ZNF423: variants seen among roughly 807,000 people sequenced by gnomAD.
The protein encoded by ZNF423 is zinc finger protein 423.
Under a neutral mutation model 95.8 loss-of-function variants are expected in ZNF423, and 12 were observed. The observed-to-expected ratio is 0.13, with a 90% CI of 0.08 to 0.20. The LOEUF (loss-of-function observed/expected upper bound fraction) is 0.20, where lower values mean the gene tolerates loss of function less well. ZNF423 is among the 10% of genes least tolerant of loss of function. ZNF423 has a pLI of 1.00. For missense variants in ZNF423, 1,316 were observed against 1,737.1 expected, an observed-to-expected ratio of 0.76 and a Z score of 4.31; for synonymous variants, 749 against 711.9, an observed-to-expected ratio of 1.05 and a Z score of -0.83.
At chr16:49,496,012 CCTCTCCTGG>C (rs1428511335) in intron 7 of ZNF423, among the ~76,000 whole-genome samples, 2 of 152,232 alleles carry the variant, frequency 1.3e-5, no homozygotes, top group African/African-American at 2.4e-5. Flanking sequence ...CTGCTAGCTG[CCTCTCCTGG>C]CTCTCAGCTA....
At chr16:49,619,026 A>G (rs188918423) in intron 5 of ZNF423, among the ~76,000 whole-genome samples, 3 of 152,258 alleles carry the variant, frequency 2.0e-5, no homozygotes, top group Admixed American at 1.3e-4. Context: ...GTGTCCCTAC[A>G]TACTACATGG....
chr16:49,537,371 A>G (rs1036646152), intron 5 of ZNF423, among the ~76,000 whole-genome samples: 1 of 152,276 alleles, frequency 6.6e-6, no homozygotes, highest in Middle Eastern at 3.4e-3. Flanking sequence ...TCTGATGCTG[A>G]GCTAAGTGGT....
At chr16:49,575,852 C>T (rs1245625008) in intron 5 of ZNF423, among the ~76,000 whole-genome samples, 1 of 152,176 alleles carries the variant, frequency 6.6e-6, no homozygotes, top group Non-Finnish European at 1.5e-5. Context: ...TGGTGTAGGT[C>T]ACTGGCCCAC....
At position 49,638,061 on chromosome 16, in the gene ZNF423, A is replaced by G. The variant is rs768336756; in HGVS notation, c.1115T>C (p.Val372Ala). 29 of 1,613,926 alleles carry G rather than the reference A, an allele frequency of 1.8e-5. No individual in the cohort carries two copies. Among genetic ancestry groups the G allele is most frequent in the Non-Finnish European group, 2.5e-5 (29 of 1,179,988 alleles). Residue 372 changes from valine to alanine, a missense_variant, in exon 4 of 8, where the codon GTG (valine) becomes GCG (alanine). Around this residue, in one of 6 missense-constraint regions of ZNF423, gnomAD observed 399 missense variants for 478.5 expected, o/e 0.83. Coordinates refer to ENST00000563137, the MANE Select transcript of ZNF423 (RefSeq NM_001379286.1). This position sits in a 1 kb window ranked among gnomAD's most constrained non-coding sequence, Gnocchi z 5.6. Reference protein sequence around the residue: ...SVSPDPVLGSVASMSSATPDS... With the variant: ...SVSPDPVLGSAASMSSATPDS... ...GGGTGTGGCGCTGCTCATGGAGGCC[A>G]CGCTGCCCAGTACAGGGTCGGGACT...
At chr16:49,491,434 A>C (rs1966957944) in intron 7 of ZNF423, 130 bp from the exon 8 acceptor site, 4 of 1,179,664 alleles carry the variant, frequency 3.4e-6, no homozygotes, top group Non-Finnish European at 5.0e-6. Flanking sequence ...AAATGCAACA[A>C]GGAAAAAGTG....
Position 49,593,508 on chromosome 16 carries a change from G to A in ZNF423, c.3601+32662C>T, listed in dbSNP as rs149770167. Among the ~76,000 whole-genome samples, 1,269 of 142,082 alleles carry A rather than the reference G, an allele frequency of 8.9e-3. 12 individuals carry two copies. The highest frequency in any genetic ancestry group is 0.052 in the East Asian group (239 of 4,572). The allele number at this position is 142,082 out of a possible 152,430, so 93.2% of individuals were successfully genotyped here. ...TAGAGGTCTCACCCCTGCCTCTCCC[G>A]CCAGAACCCTCTCTGAAGTCTGGCG... On this transcript the variant is annotated intron_variant, in intron 5 of 7. Transcript: ENST00000563137.
At chr16:49,539,591 T>C (rs558908617) in intron 5 of ZNF423, among the ~76,000 whole-genome samples, 29 of 152,272 alleles carry the variant, frequency 1.9e-4, no homozygotes, top group African/African-American at 5.5e-4. Flanking sequence ...TGTTGGGAGA[T>C]GAACAGGCTT....
chr16:49,706,482 G>T (rs777212012), intron 3 of ZNF423, among the ~76,000 whole-genome samples: 18 of 152,236 alleles, frequency 1.2e-4, no homozygotes, highest in Admixed American at 4.6e-4. Flanking sequence ...GGGGACCAGG[G>T]CATGCTGCCC....
chr16:49,794,324 C>T (rs1003856488), intron 1 of ZNF423, among the ~76,000 whole-genome samples: 2 of 151,668 alleles, frequency 1.3e-5, no homozygotes, highest in African/African-American at 2.4e-5. Flanking sequence ...CCACCTTGGC[C>T]TCCTAAAGTG....
chr16:49,856,547 G>T (rs899373535), upstream of ZNF423, among the ~76,000 whole-genome samples: 4 of 151,562 alleles, frequency 2.6e-5, no homozygotes, highest in Non-Finnish European at 5.9e-5. Flanking sequence ...GGGGGGCGGG[G>T]GTCCCTCAAC....
chr16:49,646,368 C>T (rs192631916), intron 3 of ZNF423, among the ~76,000 whole-genome samples: 1 of 152,218 alleles, frequency 6.6e-6, no homozygotes, highest in African/African-American at 2.4e-5. Flanking sequence ...TTGCACACAC[C>T]TGATGCCAGA....
intron 1 of ZNF423, among the ~76,000 whole-genome samples, chr16:49,815,670 T>C (rs2034825199): frequency 6.6e-6 from 1 of 151,372 alleles, no homozygotes; most frequent in Non-Finnish European, 1.5e-5. Flanking sequence ...CATTAAAGGG[T>C]AAGGAAGGCT....
chr16:49,515,481 T>C (rs982597970), intron 7 of ZNF423, among the ~76,000 whole-genome samples: 3 of 152,264 alleles, frequency 2.0e-5, no homozygotes, highest in Non-Finnish European at 2.9e-5. Context: ...CAGCTTTATG[T>C]GTGGCTCTGC....
chr16:49,571,283 G>C (rs1465238336), intron 5 of ZNF423, among the ~76,000 whole-genome samples: 1 of 152,040 alleles, frequency 6.6e-6, no homozygotes, highest in East Asian at 1.9e-4. Flanking sequence ...TCAGGTCTGG[G>C]TGGTGCCTGC....
intron 5 of ZNF423, among the ~76,000 whole-genome samples, chr16:49,532,077 G>T (rs1429420078): frequency 6.6e-6 from 1 of 152,234 alleles, no homozygotes; most frequent in Non-Finnish European, 1.5e-5. Context: ...AATATTCTAT[G>T]TGGAAGGATC....
intron 5 of ZNF423, among the ~76,000 whole-genome samples, chr16:49,565,751 A>C (rs1970166447): frequency 6.6e-6 from 1 of 152,212 alleles, no homozygotes; most frequent in African/African-American, 2.4e-5. Flanking sequence ...ATTAATAGTT[A>C]CAGTTCTTAC....
At chr16:49,546,800 G>T (rs1413524065) in intron 5 of ZNF423, among the ~76,000 whole-genome samples, 1 of 152,044 alleles carries the variant, frequency 6.6e-6, no homozygotes, top group African/African-American at 2.4e-5. Flanking sequence ...GACCTCAAAG[G>T]TCATTGAGTT....
At chr16:49,539,426 C>T (rs1346050680) in intron 5 of ZNF423, among the ~76,000 whole-genome samples, 1 of 152,174 alleles carries the variant, frequency 6.6e-6, no homozygotes, top group East Asian at 1.9e-4. Flanking sequence ...TCTGGTGGCA[C>T]AGCACATGAA....
intron 5 of ZNF423, among the ~76,000 whole-genome samples, chr16:49,590,237 C>T (rs979271375): frequency 6.6e-6 from 1 of 151,876 alleles, no homozygotes; most frequent in East Asian, 2.0e-4. Context: ...GGCCCTGCTG[C>T]GCCTGCAGCC....
Sources: allele counts gnomAD v4.1 joint callset (sites outside exome capture counted in the v4.1 genomes callset), GRCh38; gene constraint gnomAD v4.1.1; regional missense constraint gnomAD v4.1.1; non-coding constraint Gnocchi (gnomAD v3.1); transcripts MANE v1.5; gene names NCBI Gene and HGNC (gene_info 2026-07-23, HGNC 2026-07-21).